The following NEGR1 variants were observed in gnomAD, a reference collection of about 807,000 sequenced individuals.
NEGR1 encodes neuronal growth regulator 1, also known as IgLON family member 4.
Under a neutral mutation model 40.9 loss-of-function variants are expected in NEGR1, and 10 were observed. The observed-to-expected ratio is 0.24, with a 90% CI of 0.15 to 0.42. The LOEUF is 0.42. NEGR1 is among the 10% of genes least tolerant of loss of function. The pLI is 1.00. For synonymous variants in NEGR1, 185 were observed against 166.8 expected (o/e 1.11, Z -0.84); for missense variants, 352 against 438.9 (o/e 0.80, Z 1.77).
chr1:71,441,943 T>TTTAG (rs1318196062), intron 6 of NEGR1, among the ~76,000 whole-genome samples: 1 of 152,212 alleles, frequency 6.6e-6, no homozygotes, highest in Non-Finnish European at 1.5e-5. Context: ...TTATCCAACA[T>TTTAG]TTAGTACTCT....
chr1:71,968,150 C>A (rs933675151), intron 1 of NEGR1, among the ~76,000 whole-genome samples: 4 of 152,056 alleles, frequency 2.6e-5, no homozygotes, highest in African/African-American at 7.2e-5. Context: ...CAATTTTTCC[C>A]TTCAGAAATG....
At chr1:71,772,277 G>A (rs796799740) in intron 3 of NEGR1, among the ~76,000 whole-genome samples, 14 of 152,112 alleles carry the variant, frequency 9.2e-5, no homozygotes, top group African/African-American at 2.9e-4. Flanking sequence ...GGTGGCGCAC[G>A]CTTGCGATCC....
At chr1:72,179,130 G>A (rs1276500300) in intron 1 of NEGR1, among the ~76,000 whole-genome samples, 1 of 151,988 alleles carries the variant, frequency 6.6e-6, no homozygotes, top group Non-Finnish European at 1.5e-5. Flanking sequence ...GGTATTTATA[G>A]TGAGAGGTTT....
intron 3 of NEGR1, among the ~76,000 whole-genome samples, chr1:71,719,823 G>A (rs114249507): frequency 0.013 from 1,966 of 151,950 alleles, 32 homozygotes; most frequent in African/African-American, 0.045. Context: ...TCTCCTCCCC[G>A]TGTCCATGTG....
intron 3 of NEGR1, among the ~76,000 whole-genome samples, chr1:71,757,558 T>C (rs953355539): frequency 6.6e-6 from 1 of 152,112 alleles, no homozygotes; most frequent in African/African-American, 2.4e-5. Context: ...CTTTTGTTCT[T>C]AATTTTGACA....
intron 3 of NEGR1, among the ~76,000 whole-genome samples, chr1:71,727,039 C>A (rs1654698347): frequency 6.6e-6 from 1 of 152,088 alleles, no homozygotes; most frequent in Non-Finnish European, 1.5e-5. Flanking sequence ...GCTACAACAT[C>A]AGCAAGATGC....
chr1:71,974,049 T>C (rs903321281), intron 1 of NEGR1, among the ~76,000 whole-genome samples: 2 of 152,184 alleles, frequency 1.3e-5, no homozygotes, highest in African/African-American at 2.4e-5. Context: ...GTCAAGGAAG[T>C]AGATTACTTA....
At chr1:71,738,897 A>C (rs1210978890) in intron 3 of NEGR1, among the ~76,000 whole-genome samples, 1 of 152,154 alleles carries the variant, frequency 6.6e-6, no homozygotes, top group East Asian at 1.9e-4. Context: ...GAGAAAAAAA[A>C]TTACATAGCA....
At chr1:71,962,853 C>G (rs537905080) in intron 1 of NEGR1, among the ~76,000 whole-genome samples, 2 of 150,744 alleles carry the variant, frequency 1.3e-5, no homozygotes, top group East Asian at 3.9e-4. Context: ...GACAGTTGTT[C>G]TCAACCCTGA....
intron 6 of NEGR1, chr1:71,570,981 A>T (rs1016241290): frequency 2.6e-5 from 4 of 152,164 alleles, no homozygotes; most frequent in Non-Finnish European, 2.9e-5. Context: ...CAAATTACTG[A>T]TGTCTATCTT....
chr1:71,545,754 A>T (rs985092112), intron 6 of NEGR1, among the ~76,000 whole-genome samples: 1 of 151,644 alleles, frequency 6.6e-6, no homozygotes, highest in African/African-American at 2.4e-5. Flanking sequence ...CCCGAGGGGA[A>T]AACTCAGGCT....
At chr1:72,127,439 GGGCGACAGAGCAA>G (rs1298018447) in intron 1 of NEGR1, among the ~76,000 whole-genome samples, 1 of 130,266 alleles carries the variant, frequency 7.7e-6, no homozygotes, top group East Asian at 2.4e-4. Flanking sequence ...ACTCCAGCCT[GGGCGACAGAGCAA>G]GGCTCTGTCT....
intron 2 of NEGR1, among the ~76,000 whole-genome samples, chr1:71,811,919 G>C (rs1343328800): frequency 1.7e-5 from 2 of 120,274 alleles, no homozygotes; most frequent in African/African-American, 7.8e-5. Flanking sequence ...TTTCTTATAG[G>C]ATACAGGTGC....
chr1:72,105,054 C>A (rs1042871420), intron 1 of NEGR1, among the ~76,000 whole-genome samples: 8 of 152,042 alleles, frequency 5.3e-5, no homozygotes, highest in Non-Finnish European at 1.2e-4. Flanking sequence ...TGTAAATTCA[C>A]AATAACGAGA....
intron 1 of NEGR1, among the ~76,000 whole-genome samples, chr1:72,276,067 A>G (rs1009429165): frequency 7.9e-5 from 12 of 152,150 alleles, no homozygotes; most frequent in Admixed American, 7.9e-4. Flanking sequence ...ACTTCGCTCC[A>G]GCTTGGGGGA....
rs145530589 is a variant in NEGR1 at position 72,018,991 on chromosome 1, A to G, written c.177-83680T>C. ...GACCTACCAAGAAATGTGGAGGAAC[A>G]TGAGGGCTTTGGGGGGATGGTCACA... is the stretch of plus-strand genomic sequence containing the variant. On this transcript the variant is annotated intron_variant, in intron 1 of 6. Coordinates refer to ENST00000357731, the MANE Select transcript of NEGR1 (RefSeq NM_173808.3). Among the ~76,000 whole-genome samples, 771 of 152,258 alleles carry G rather than the reference A, an allele frequency of 5.1e-3. 5 individuals carry two copies. Among genetic ancestry groups the G allele is most frequent in the Middle Eastern group, 0.037 (11 of 294 alleles).
At chr1:71,840,304 TACC>T (rs1158696173) in intron 2 of NEGR1, among the ~76,000 whole-genome samples, 1 of 152,124 alleles carries the variant, frequency 6.6e-6, no homozygotes, top group African/African-American at 2.4e-5. Context: ...TGTTCAGAAT[TACC>T]ACATCATTAG....
At chr1:71,681,420 A>G (rs967974434) in intron 4 of NEGR1, among the ~76,000 whole-genome samples, 9 of 152,240 alleles carry the variant, frequency 5.9e-5, no homozygotes, top group African/African-American at 2.2e-4. Flanking sequence ...GAGTATTACT[A>G]TGATTCTGTC....
intron 2 of NEGR1, among the ~76,000 whole-genome samples, chr1:71,882,844 T>TA (rs1660619254): frequency 1.3e-5 from 2 of 152,116 alleles, no homozygotes; most frequent in African/African-American, 4.8e-5. Context: ...GCTATGTGAT[T>TA]ATGAGTAATT....
Sources: gnomAD v4.1 joint callset for allele counts (sites outside exome capture counted in the v4.1 genomes callset) on GRCh38, gnomAD v4.1.1 for gene constraint, MANE v1.5 for transcripts, NCBI Gene and HGNC (gene_info 2026-07-23, HGNC 2026-07-21) for gene names.